Variants in ZNF454 observed in about 807,000 individuals in gnomAD.
The protein encoded by ZNF454 is zinc finger protein 454.
Under a neutral mutation model 48.2 loss-of-function variants are expected in ZNF454, and 30 were observed. The ratio of observed to expected loss-of-function variants is 0.62; its 90% CI spans 0.47 to 0.84. The LOEUF is 0.84. ZNF454 is among the 40% of genes least tolerant of loss of function. The pLI is 0.00. For synonymous variants in ZNF454, 204 were observed against 211.4 expected, an observed-to-expected ratio of 0.97 and a Z score of 0.30; for missense variants, 510 against 623.1, an observed-to-expected ratio of 0.82 and a Z score of 1.93.
chr5:178,950,811 T>C (rs115207676), intron 4 of ZNF454, among the ~76,000 whole-genome samples: 2,349 of 152,106 alleles, frequency 0.015, 67 homozygotes, highest in African/African-American at 0.054. Flanking sequence ...TTATCTGAAC[T>C]TTTTTCTCTT....
rs757359159 is a variant in ZNF454 at position 178,965,918 on chromosome 5, T to G, written c.1514T>G (p.Phe505Cys). The G allele has an allele frequency of 6.2e-7, 1 of 1,607,446 alleles. No individual in the cohort carries two copies. The highest frequency in any genetic ancestry group is 8.5e-7 in the Non-Finnish European group (1 of 1,177,592). The change falls in exon 5 of 5, where the codon TTT (phenylalanine) becomes TGT (cysteine). Residue 505 changes from phenylalanine (F) to cysteine (C), a missense_variant. By Grantham distance (205) the Phe-to-Cys change is radical. This residue lies in a region of ZNF454 where 153 missense variants were observed against 195.8 expected (regional missense o/e 0.78). Coordinates refer to ENST00000519564, the MANE Select transcript of ZNF454 (RefSeq NM_001178089.3). This position sits in a 1 kb window ranked among gnomAD's most constrained non-coding sequence, Gnocchi z 5.2. ...AAATGTAATAAATGTGGGAAAGCTT[T>G]TAACCAGACTGCAAACCTCATTCAG... is the stretch of plus-strand genomic sequence containing the variant. ...PYKCNKCGKA[F>C]NQTANLIQHQ... is the part of the protein sequence containing the mutation.
the ZNF454 span, chr5:178,989,065 C>T: frequency 3.1e-6 from 5 of 1,613,990 alleles, no homozygotes; most frequent in Non-Finnish European, 4.2e-6. Context: ...CAATGGCGTA[C>T]ACCGCATCAA....
At chr5:178,942,889 C>CGG in intron 2 of ZNF454, 65 bp downstream of exon 2, 1 of 1,560,974 alleles carries the variant, frequency 6.4e-7, no homozygotes, top group Non-Finnish European at 8.7e-7. Context: ...TGTTTGCTTC[C>CGG]TCAGACCGGG....
In ZNF454 at chr5:178,946,629, C is replaced by G; in HGVS notation, c.160+144C>G. ...ATTAATTTTACCTGTCCTTGGTGTC[C>G]TGGGCACAGGCCTCTTTTGGAGTCC... On this transcript the variant is annotated intron_variant, in intron 3 of 4. Coordinates refer to ENST00000519564, the MANE Select transcript of ZNF454 (RefSeq NM_001178089.3). The surrounding 1 kb of genome is among the most constrained non-coding windows in gnomAD (Gnocchi z 4.5). 3 of 1,194,526 alleles carry G rather than the reference C, an allele frequency of 2.5e-6. No individual in the cohort carries two copies. The highest frequency in any genetic ancestry group is 2.9e-5 in the Admixed American group (1 of 34,956). The allele number at this position is 1,194,526 out of a possible 1,614,324, so 74.0% of individuals were successfully genotyped here.
rs1759353423 is a variant in ZNF454 at position 178,946,760 on chromosome 5, G to A, written c.161-137G>A. ...GCCTGAGTAATCTTTTCCTCCCTCT[G>A]GGAACACACCTGACCCTGGGCTTTC... On this transcript the variant is annotated intron_variant, in intron 3 of 4. Transcript: ENST00000519564. This position sits in a 1 kb window ranked among gnomAD's most constrained non-coding sequence, Gnocchi z 4.5. 3 of 826,328 alleles carry A rather than the reference G, an allele frequency of 3.6e-6. No homozygotes were observed. The highest frequency in any genetic ancestry group is 5.9e-6 in the Non-Finnish European group (3 of 512,596). 51.2% of individuals were successfully genotyped at this position (826,328 alleles called of 1,614,324 possible).
At chr5:178,989,211 A>AACCCC in the ZNF454 span, 3 of 121,722 alleles carry the variant, frequency 2.5e-5, no homozygotes, top group Non-Finnish European at 4.0e-5. Context: ...CCCCCTCCCC[A>AACCCC]CCCTCACCAC....
At position 178,946,829 on chromosome 5, in the gene ZNF454, GTC is replaced by G; in HGVS notation, c.161-66_161-65del. On this transcript the variant is annotated intron_variant, in intron 3 of 4. Transcript: ENST00000519564. This position sits in a 1 kb window ranked among gnomAD's most constrained non-coding sequence, Gnocchi z 4.5. ...CAGCAAGCTCTGAGGACCAGGCTTT[GTC>G]TTTGCAGTGATTTTTATCTCTCGTA... 1 of 1,431,842 alleles carries G rather than the reference GTC, an allele frequency of 7.0e-7. No individual in the cohort carries two copies. Among genetic ancestry groups the G allele is most frequent in the Non-Finnish European group, 9.8e-7 (1 of 1,023,708 alleles). 88.7% of individuals were successfully genotyped at this position (1,431,842 alleles called of 1,614,324 possible).
In ZNF454 at chr5:178,964,733, T is replaced by C; in HGVS notation, c.329T>C (p.Ile110Thr). 1.2e-6 allele frequency: 2 copies of C among 1,614,064 alleles called. No individual in the cohort carries two copies. Among genetic ancestry groups the C allele is most frequent in the Middle Eastern group, 1.6e-4 (1 of 6,062 alleles). The part of the protein sequence containing the change: ...IPEEELDQWT[I>T]KERFSSSSHW... ...GAAGAAGAATTGGATCAATGGACAA[T>C]AAAGGAAAGATTCAGTAGCAGTAGT... is the stretch of plus-strand genomic sequence containing the variant. The change falls in exon 5 of 5, where the codon ATA (isoleucine) becomes ACA (threonine). Residue 110 changes from isoleucine (I) to threonine (T), a missense_variant. Around this residue, in one of 3 missense-constraint regions of ZNF454, gnomAD observed 354 missense variants for 408.9 expected, o/e 0.87. Coordinates refer to ENST00000519564, the MANE Select transcript of ZNF454 (RefSeq NM_001178089.3).
At chr5:178,956,325 TC>T (rs1759745524) in intron 4 of ZNF454, among the ~76,000 whole-genome samples, 1 of 152,102 alleles carries the variant, frequency 6.6e-6, no homozygotes, top group African/African-American at 2.4e-5. Context: ...GGTATTTCTT[TC>T]TTGTGAGAAG....
Position 178,965,975 on chromosome 5 carries a change from A to G in ZNF454, c.*2A>G. On this transcript the variant is annotated 3_prime_UTR_variant, in exon 5 of 5. Coordinates refer to ENST00000519564, the MANE Select transcript of ZNF454 (RefSeq NM_001178089.3). The surrounding 1 kb of genome is among the most constrained non-coding windows in gnomAD (Gnocchi z 5.2). The stretch of plus-strand genomic sequence containing the variant: ...AGACATCATATTGGAGAGAAGTGAT[A>G]TGAATGCAGTTTGTATGGAAGACCT... 2 of 1,554,984 alleles carry G rather than the reference A, an allele frequency of 1.3e-6. No homozygotes were observed. The highest frequency in any genetic ancestry group is 1.7e-6 in the Non-Finnish European group (2 of 1,153,586).
the ZNF454 span, chr5:178,986,289 G>C: frequency 1.9e-6 from 3 of 1,614,062 alleles, no homozygotes; most frequent in Non-Finnish European, 2.5e-6. Context: ...GGCCCAGGAA[G>C]AGCCTGCGGG....
downstream of ZNF454, among the ~76,000 whole-genome samples, chr5:178,970,856 G>A (rs1006869001): frequency 4.6e-5 from 7 of 152,204 alleles, 1 homozygote; most frequent in African/African-American, 1.4e-4. Flanking sequence ...ACTAATGCAT[G>A]GCCAAAAGCA....
chr5:178,981,533 G>T, the ZNF454 span: 1 of 732,496 alleles, frequency 1.4e-6, no homozygotes, highest in South Asian at 1.8e-5. The surrounding 1 kb of genome is among the most constrained non-coding windows in gnomAD (Gnocchi z 5.1). Context: ...CCGACGCGGA[G>T]CATGGTCTTG....
At chr5:178,988,972 C>A in the ZNF454 span, 7 of 1,613,778 alleles carry the variant, frequency 4.3e-6, no homozygotes, top group African/African-American at 9.3e-5. The surrounding 1 kb of genome is among the most constrained non-coding windows in gnomAD (Gnocchi z 6.0). Context: ...GCAGAAGCAT[C>A]CGCCCATCAG....
At chr5:178,966,768 AC>A (rs1760169402), downstream of ZNF454, among the ~76,000 whole-genome samples, 1 of 151,866 alleles carries the variant, frequency 6.6e-6, no homozygotes, top group Non-Finnish European at 1.5e-5. Flanking sequence ...TAGAGAAAGT[AC>A]GTCACCCACA....
chr5:178,942,878 A>C lies in ZNF454; in HGVS notation c.33+54A>C, dbSNP rs1309534885. 2.5e-6 allele frequency: 4 copies of C among 1,583,104 alleles called. No individual in the cohort carries two copies. In the African/African-American group the frequency reaches 5.4e-5, roughly 21 times the overall value. On this transcript the variant is annotated intron_variant, in intron 2 of 4. Transcript: ENST00000519564. ...GCTTTCTGGATTTGAAGAGTGTGGC[A>C]TGTTTGCTTCCTCAGACCGGGAGCT...
chr5:178,984,964 T>C, the ZNF454 span, among the ~76,000 whole-genome samples: 3 of 152,032 alleles, frequency 2.0e-5, no homozygotes, highest in African/African-American at 7.2e-5. Context: ...ACAGAAAACA[T>C]CCAGGGCGCC....
downstream of ZNF454, chr5:178,969,340 TG>T (rs111522714): frequency 1.2e-5 from 5 of 409,878 alleles, no homozygotes; most frequent in African/African-American, 1.0e-4. Context: ...CTGATCTGTG[TG>T]GTGTTAGACA....
intron 4 of ZNF454, among the ~76,000 whole-genome samples, chr5:178,948,705 A>T (rs903949100): frequency 1.3e-5 from 2 of 152,164 alleles, no homozygotes; most frequent in African/African-American, 4.8e-5. Context: ...AGCCAGTCAG[A>T]CGTCAGAGAA....
Sources: gnomAD v4.1 joint callset for allele counts (sites outside exome capture counted in the v4.1 genomes callset) on GRCh38, gnomAD v4.1.1 for gene constraint, gnomAD v4.1.1 regional missense constraint, Gnocchi (gnomAD v3.1) non-coding constraint, MANE v1.5 for transcripts, NCBI Gene and HGNC (gene_info 2026-07-23, HGNC 2026-07-21) for gene names.